Variants in NECTIN2 observed in about 807,000 individuals in gnomAD.
NECTIN2 encodes nectin cell adhesion molecule 2.
NECTIN2 carries 23 observed loss-of-function variants against 56.9 expected under a neutral mutation model. The ratio of observed to expected loss-of-function variants is 0.40; its 90% CI spans 0.29 to 0.57. The LOEUF (loss-of-function observed/expected upper bound fraction) is 0.57, where lower values mean the gene tolerates loss of function less well. Among genes scored for constraint, NECTIN2 ranks in the 20% least tolerant of loss-of-function variants. The pLI, the probability that NECTIN2 is intolerant of heterozygous loss-of-function variation, is 0.38. For synonymous variants in NECTIN2, 302 were observed against 313.8 expected (o/e 0.96, Z 0.40); for missense variants, 587 against 718.3 (o/e 0.82, Z 2.09).
intron 1 of NECTIN2, among the ~76,000 whole-genome samples, chr19:44,862,670 A>G (rs1325932519): frequency 6.6e-6 from 1 of 152,094 alleles, no homozygotes; most frequent in Non-Finnish European, 1.5e-5. Context: ...AATAATGGAC[A>G]GTGGAGACTA....
chr19:44,878,023 G>C, intron 5 of NECTIN2, among the ~76,000 whole-genome samples: 1 of 151,890 alleles, frequency 6.6e-6, no homozygotes, highest in East Asian at 1.9e-4. Flanking sequence ...AGCGAAGGGC[G>C]GAGGGGCTTC....
chr19:44,877,454 CT>C lies in NECTIN2; in HGVS notation c.1042+2977del, dbSNP rs150864028. ...ACTACCTCCCATCCCCCATCCCCAC[CT>C]GCTCAGCCCCTGCAGGGAGCACTAA... is the stretch of plus-strand genomic sequence containing the variant. On this transcript the variant is annotated intron_variant, in intron 5 of 8. Coordinates refer to ENST00000252483, the MANE Select transcript of NECTIN2 (RefSeq NM_001042724.2). Among the ~76,000 whole-genome samples the C allele has an allele frequency of 1.3e-4, 20 of 152,330 alleles. No individual in the cohort carries two copies. In the East Asian group the frequency reaches 1.9e-3, roughly 15 times the overall value.
At chr19:44,855,589 C>T (rs904986666) in intron 1 of NECTIN2, among the ~76,000 whole-genome samples, 1 of 152,104 alleles carries the variant, frequency 6.6e-6, no homozygotes, top group South Asian at 2.1e-4. Context: ...CAAGCCTCTT[C>T]AGGTTCCTCC....
Position 44,874,835 on chromosome 19 carries a change from A to G in NECTIN2, c.1042+357A>G, listed in dbSNP as rs1969218873. ...AGAGTCAGGCATGCAAACTTCAAAGAGACAGAAACCAAGAGCTCCCACCCC... is the reference window on the plus strand; with the variant it reads ...AGAGTCAGGCATGCAAACTTCAAAGGGACAGAAACCAAGAGCTCCCACCCC... On this transcript the variant is annotated intron_variant, in intron 5 of 8. Transcript: ENST00000252483. The surrounding 1 kb of genome is among the most constrained non-coding windows in gnomAD (Gnocchi z 6.3). 4.6e-6 allele frequency: 1 copy of G among 215,828 alleles called. No homozygotes were observed. Among genetic ancestry groups the G allele is most frequent in the Non-Finnish European group, 9.5e-6 (1 of 105,270 alleles). 13.4% of individuals were successfully genotyped at this position (215,828 alleles called of 1,614,324 possible).
intron 6 of NECTIN2, among the ~76,000 whole-genome samples, chr19:44,885,431 C>A (rs1969350680): frequency 6.6e-6 from 1 of 151,796 alleles, no homozygotes; most frequent in Admixed American, 6.6e-5. Flanking sequence ...TGTGCCTCAG[C>A]CTCCTGAGTA....
At chr19:44,877,263 C>T (rs574696457) in intron 5 of NECTIN2, among the ~76,000 whole-genome samples, 62 of 152,244 alleles carry the variant, frequency 4.1e-4, no homozygotes, top group African/African-American at 1.4e-3. Context: ...CCCCCACCCC[C>T]GTCTGTCCCA....
rs2122715774 is a variant in NECTIN2 at position 44,885,852 on chromosome 19, T to C, written c.1197-85T>C. The stretch of plus-strand genomic sequence containing the variant: ...GGGGCAGGGGAAAGGGAGACCCAGG[T>C]AGAGGGAACAGCATGTGCCATAACC... On this transcript the variant is annotated intron_variant, in intron 6 of 8. Coordinates refer to ENST00000252483, the MANE Select transcript of NECTIN2 (RefSeq NM_001042724.2). 59 of 1,113,990 alleles carry C rather than the reference T, an allele frequency of 5.3e-5. No individual in the cohort carries two copies. The South Asian group carries it at 7.3e-4, about 14-fold the overall frequency. The allele number at this position is 1,113,990 out of a possible 1,614,324, so 69.0% of individuals were successfully genotyped here.
At chr19:44,873,847 T>C (rs1969204966) in intron 3 of NECTIN2, 69 bp from the exon 4 acceptor site, 2 of 1,185,524 alleles carry the variant, frequency 1.7e-6, no homozygotes, top group Non-Finnish European at 2.5e-6. Flanking sequence ...CATTCCTGTC[T>C]ATCTGCTAAC....
intron 6 of NECTIN2, among the ~76,000 whole-genome samples, chr19:44,884,697 G>C (rs1159644213): frequency 6.6e-6 from 1 of 152,178 alleles, no homozygotes; most frequent in South Asian, 2.1e-4. Context: ...TAGGGCAGTT[G>C]AGCAAGCTCT....
Position 44,872,135 on chromosome 19 carries a change from C to T in NECTIN2, c.761C>T (p.Thr254Ile). ...SFEEPALIPVTLSVRYPPEVS... is the reference protein window; with the variant it reads ...SFEEPALIPVILSVRYPPEVS... ...GAGGAACCAGCCCTGATACCTGTGA[C>T]CCTCTCTGTACGCTGTGAGTGTATC... Residue 254 changes from threonine (T) to isoleucine (I), a missense_variant, in exon 3 of 9, where the codon ACC becomes ATC. Transcript: ENST00000252483. The T allele has an allele frequency of 6.2e-7, 1 of 1,614,130 alleles. No individual in the cohort carries two copies. The highest frequency in any genetic ancestry group is 8.5e-7 in the Non-Finnish European group (1 of 1,179,986).
intron 5 of NECTIN2, among the ~76,000 whole-genome samples, chr19:44,877,766 G>C (rs1412765880): frequency 1.3e-5 from 2 of 152,214 alleles, no homozygotes; most frequent in African/African-American, 2.4e-5. Flanking sequence ...CCAGGGTCCT[G>C]GCCAGTGACC....
intron 8 of NECTIN2, among the ~76,000 whole-genome samples, chr19:44,887,829 G>A (rs1216132274): frequency 2.0e-5 from 3 of 152,118 alleles, no homozygotes; most frequent in African/African-American, 2.4e-5. Flanking sequence ...AAGTATTTGA[G>A]GTCAAGACTG....
chr19:44,885,473 A>G (rs190606996), intron 6 of NECTIN2, among the ~76,000 whole-genome samples: 1 of 151,450 alleles, frequency 6.6e-6, no homozygotes, highest in Admixed American at 6.6e-5. Context: ...CATCATGCCC[A>G]GCTAATTTTT....
At chr19:44,878,451 C>G (rs1263209775) in intron 5 of NECTIN2, 1 of 1,604,404 alleles carries the variant, frequency 6.2e-7, no homozygotes, top group South Asian at 1.1e-5. Context: ...GTCTTCTGGA[C>G]ACCAGTAGTC....
At chr19:44,856,718 G>A (rs766579568) in intron 1 of NECTIN2, among the ~76,000 whole-genome samples, 1 of 152,154 alleles carries the variant, frequency 6.6e-6, no homozygotes, top group East Asian at 1.9e-4. Flanking sequence ...TGGAGGAGCC[G>A]GAAGGGAGTG....
intron 5 of NECTIN2, 129 bp from the exon 6 acceptor site, chr19:44,882,082 A>T (rs759485180): frequency 5.1e-4 from 419 of 828,732 alleles, no homozygotes; most frequent in Non-Finnish European, 6.6e-4. Context: ...GAGTTGAATG[A>T]AAGAATGTCC....
chr19:44,879,379 A>G (rs1265683441), intron 5 of NECTIN2, among the ~76,000 whole-genome samples: 3 of 151,784 alleles, frequency 2.0e-5, no homozygotes, highest in Non-Finnish European at 2.9e-5. Context: ...GATCCAGTGG[A>G]GCCTCAGACC....
At chr19:44,849,547 C>T (rs4802240) in intron 1 of NECTIN2, among the ~76,000 whole-genome samples, 47,551 of 151,960 alleles carry the variant, frequency 0.31, 8,508 homozygotes, top group South Asian at 0.41. Context: ...CCCAGCAGTG[C>T]TGACAAATGG....
chr19:44,878,824 G>C (rs1227725938), intron 5 of NECTIN2: 6 of 1,382,306 alleles, frequency 4.3e-6, no homozygotes, highest in Non-Finnish European at 5.6e-6. Flanking sequence ...GGAGCCCGGG[G>C]AGCTGAGTAG....
Sources: allele counts gnomAD v4.1 joint callset (sites outside exome capture counted in the v4.1 genomes callset), GRCh38; gene constraint gnomAD v4.1.1; non-coding constraint Gnocchi (gnomAD v3.1); transcripts MANE v1.5; gene names NCBI Gene and HGNC (gene_info 2026-07-23, HGNC 2026-07-21).